The following CTXND1 variants were observed in gnomAD, a reference collection of about 807,000 sequenced individuals.
The protein encoded by CTXND1 is cortexin domain containing 1.
rs1045832790 is a variant in CTXND1, at chr15:80,219,196, C to T, written c.-217-15456G>A. ...CTGGGCTCAAGCAATCCTCCTACCT[C>T]GGCCTCCCAAAGTACTTGGGATTAC... is the stretch of plus-strand genomic sequence containing the variant. On this transcript the variant is annotated intron_variant, in intron 1 of 2. Coordinates refer to ENST00000560778, the MANE Select transcript of CTXND1 (RefSeq NM_001352888.2). 6.6e-5 allele frequency among the ~76,000 whole-genome samples: 10 copies of T among 151,924 alleles called. No homozygotes were observed. The South Asian group carries it at 1.2e-3, about 19-fold the overall frequency.
chr15:80,215,314 T>C (rs1434049289), intron 1 of CTXND1, among the ~76,000 whole-genome samples: 1 of 152,218 alleles, frequency 6.6e-6, no homozygotes, highest in Non-Finnish European at 1.5e-5. Context: ...CCCTTTGGGG[T>C]ACAAACACAT....
At chr15:80,225,488 T>G (rs1467484261) in intron 1 of CTXND1, among the ~76,000 whole-genome samples, 1 of 152,196 alleles carries the variant, frequency 6.6e-6, no homozygotes, top group Non-Finnish European at 1.5e-5. Flanking sequence ...AATATACAGA[T>G]AGCGAATCTT....
intron 1 of CTXND1, among the ~76,000 whole-genome samples, chr15:80,231,629 A>C (rs1181301089): frequency 6.6e-6 from 1 of 152,106 alleles, no homozygotes; most frequent in Admixed American, 6.6e-5. Context: ...TATAATCGTA[A>C]TTTTGATTGT....
At chr15:80,238,481 T>A (rs998751347) in intron 1 of CTXND1, among the ~76,000 whole-genome samples, 1 of 151,404 alleles carries the variant, frequency 6.6e-6, no homozygotes, top group African/African-American at 2.4e-5. Flanking sequence ...TGCCCAACCA[T>A]GTTTGTTTTT....
intron 1 of CTXND1, among the ~76,000 whole-genome samples, chr15:80,215,232 A>G (rs567269245): frequency 5.6e-4 from 85 of 152,262 alleles, no homozygotes; most frequent in African/African-American, 1.8e-3. Context: ...AAACTCCTCC[A>G]TATTGGGGGT....
chr15:80,225,133 T>A (rs1263582145), intron 1 of CTXND1, among the ~76,000 whole-genome samples: 1 of 152,270 alleles, frequency 6.6e-6, no homozygotes, highest in Non-Finnish European at 1.5e-5. Flanking sequence ...AGGTTCAAGA[T>A]GTTCCTTTCT....
chr15:80,201,975 C>T lies in CTXND1; in HGVS notation c.-26G>A, dbSNP rs1445970246. The T allele has an allele frequency of 5.0e-6, 2 of 398,968 alleles. No homozygotes were observed. The highest frequency in any genetic ancestry group is 1.3e-4 in the South Asian group (1 of 7,844). The allele number at this position is 398,968 out of a possible 1,614,324, so 24.7% of individuals were successfully genotyped here. On this transcript the variant is annotated 5_prime_UTR_variant, in exon 3 of 3. Coordinates refer to ENST00000560778, the MANE Select transcript of CTXND1 (RefSeq NM_001352888.2). ...CTCGCGGCAGCGACTGCGGGCTGCT[C>T]CTCCTCCGCCTCGGGTTTGACTGGT...
chr15:80,219,861 T>C (rs1451578524), intron 1 of CTXND1, among the ~76,000 whole-genome samples: 1 of 152,224 alleles, frequency 6.6e-6, no homozygotes, highest in Non-Finnish European at 1.5e-5. Flanking sequence ...CTTTCTCGTT[T>C]GTCTTTTAGG....
intron 1 of CTXND1, among the ~76,000 whole-genome samples, chr15:80,210,562 C>A (rs979938373): frequency 5.3e-5 from 8 of 152,180 alleles, no homozygotes; most frequent in African/African-American, 1.9e-4. Context: ...AATGATGAGA[C>A]AGTAGACGCT....
At chr15:80,207,005 T>C (rs1452393668) in intron 1 of CTXND1, among the ~76,000 whole-genome samples, 1 of 152,238 alleles carries the variant, frequency 6.6e-6, no homozygotes, top group Non-Finnish European at 1.5e-5. Flanking sequence ...TTGTCTCCCT[T>C]GAAGGGAATG....
chr15:80,242,611 G>C (rs1440513502), intron 1 of CTXND1, among the ~76,000 whole-genome samples: 1 of 152,200 alleles, frequency 6.6e-6, no homozygotes, highest in African/African-American at 2.4e-5. Context: ...TGGTAGATCG[G>C]GGCAAAGCTA....
At chr15:80,235,012 T>C (rs942672041) in intron 1 of CTXND1, among the ~76,000 whole-genome samples, 1 of 151,890 alleles carries the variant, frequency 6.6e-6, no homozygotes, top group African/African-American at 2.4e-5. Flanking sequence ...GCCCCCCTGG[T>C]GGCTGGGTGA....
At chr15:80,249,606 A>G (rs1382685101) in intron 1 of CTXND1, among the ~76,000 whole-genome samples, 1 of 152,236 alleles carries the variant, frequency 6.6e-6, no homozygotes, top group African/African-American at 2.4e-5. Context: ...TAAGAACTGA[A>G]GATAAAAAAG....
chr15:80,236,261 G>A (rs989419009), intron 1 of CTXND1, among the ~76,000 whole-genome samples: 2 of 151,916 alleles, frequency 1.3e-5, no homozygotes, highest in African/African-American at 2.4e-5. Flanking sequence ...TTAATGGTAG[G>A]AAACAAAACG....
chr15:80,217,590 G>A lies in CTXND1; in HGVS notation c.-217-13850C>T, dbSNP rs143658741. Among the ~76,000 whole-genome samples, 619 of 151,286 alleles carry A rather than the reference G, an allele frequency of 4.1e-3. 5 individuals are homozygous for A. Among genetic ancestry groups the A allele is most frequent in the African/African-American group, 0.015 (599 of 41,174 alleles). On this transcript the variant is annotated intron_variant, in intron 1 of 2. Coordinates refer to ENST00000560778, the MANE Select transcript of CTXND1 (RefSeq NM_001352888.2). ...GAGACAGTGTCTGGCTTTGTCACCT[G>A]GACTGGAGTGCAGTGGCAAAATCTC...
rs2041424341 is a variant in CTXND1 at position 80,197,141 on chromosome 15, C to T, written c.*4629G>A. On this transcript the variant is annotated 3_prime_UTR_variant, in exon 3 of 3. Coordinates refer to ENST00000560778, the MANE Select transcript of CTXND1 (RefSeq NM_001352888.2). ...GTGTGATCCTAGCTCATTGTAACCT[C>T]AAACTCCTGGACTCAAGTGATCCTC... 2 of 152,222 alleles carry T rather than the reference C, an allele frequency of 1.3e-5. No homozygotes were observed. Among genetic ancestry groups the T allele is most frequent in the African/African-American group, 4.8e-5 (2 of 41,428 alleles). The allele number at this position is 152,222 out of a possible 1,614,324, so 9.4% of individuals were successfully genotyped here.
At chr15:80,239,561 T>C (rs1348663621) in intron 1 of CTXND1, among the ~76,000 whole-genome samples, 1 of 152,230 alleles carries the variant, frequency 6.6e-6, no homozygotes, top group Non-Finnish European at 1.5e-5. Flanking sequence ...CCCTCGAACA[T>C]CTGACTCCAT....
intron 1 of CTXND1, among the ~76,000 whole-genome samples, chr15:80,239,413 G>C (rs1156342935): frequency 1.3e-5 from 2 of 152,222 alleles, no homozygotes; most frequent in Non-Finnish European, 2.9e-5. Context: ...TAACATTTGA[G>C]TCAGTGGGCT....
chr15:80,235,133 C>T (rs1213034259), intron 1 of CTXND1, among the ~76,000 whole-genome samples: 3 of 152,168 alleles, frequency 2.0e-5, no homozygotes, highest in African/African-American at 7.2e-5. Flanking sequence ...GGGGCCCTTG[C>T]GGTAGTTCAG....
Sources: allele counts gnomAD v4.1 joint callset (sites outside exome capture counted in the v4.1 genomes callset), GRCh38; gene constraint gnomAD v4.1.1; transcripts MANE v1.5; gene names NCBI Gene and HGNC (gene_info 2026-07-23, HGNC 2026-07-21).